The following ACACB variants were observed in gnomAD, a reference collection of about 807,000 sequenced individuals.
The protein encoded by ACACB is acetyl-CoA carboxylase 2.
ACACB carries 209 observed loss-of-function variants against 278.8 expected under a neutral mutation model. That is an observed-to-expected ratio of 0.75 (90% CI 0.67 to 0.84). The LOEUF is 0.84. ACACB is among the 40% of genes least tolerant of loss of function. The probability of loss-of-function intolerance (pLI) is 0.00; values close to 1 mark genes in which losing one functional copy is unlikely to be tolerated. For synonymous variants in ACACB, 1,174 were observed against 1,285.6 expected, an observed-to-expected ratio of 0.91 and a Z score of 1.86; for missense variants, 2,850 against 3,269.0, an observed-to-expected ratio of 0.87 and a Z score of 3.13.
intron 45 of ACACB, among the ~76,000 whole-genome samples, chr12:109,257,258 A>G (rs376048081): frequency 1.1e-4 from 17 of 152,216 alleles, no homozygotes; most frequent in Admixed American, 3.3e-4. Context: ...TGGGTGACAG[A>G]GCGAGACTCC....
chr12:109,127,436 C>CA (rs1484841806), intron 1 of ACACB, among the ~76,000 whole-genome samples: 1 of 150,990 alleles, frequency 6.6e-6, no homozygotes, highest in African/African-American at 2.4e-5. Flanking sequence ...AAAAAAAACC[C>CA]AAAAAACCAA....
Position 109,139,730 on chromosome 12 carries a change from G to T in ACACB, c.325G>T (p.Ala109Ser). 6.2e-7 allele frequency: 1 copy of T among 1,614,046 alleles called. No individual in the cohort carries two copies. Among genetic ancestry groups the T allele is most frequent in the Non-Finnish European group, 8.5e-7 (1 of 1,180,022 alleles). The change falls in exon 2 of 53, where the codon GCA becomes TCA. Residue 109 changes from alanine to serine, a missense_variant. Coordinates refer to ENST00000338432, the MANE Select transcript of ACACB (RefSeq NM_001093.4). ...PPRNPLSSSD[A>S]APSPELQANG... ...AAGAAACCCCCTTTCTTCCAGTGAC[G>T]CAGCACCCTCCCCAGAGCTTCAAGC...
intron 40 of ACACB, 117 bp from the exon 41 acceptor site, chr12:109,249,867 C>T (rs1350171996): frequency 4.4e-6 from 6 of 1,370,680 alleles, no homozygotes; most frequent in Non-Finnish European, 4.9e-6. Context: ...CCTCTGGATG[C>T]TTTGTCTGCT....
At chr12:109,210,466 C>T (rs2045794127) in intron 21 of ACACB, among the ~76,000 whole-genome samples, 1 of 143,840 alleles carries the variant, frequency 7.0e-6, no homozygotes, top group Non-Finnish European at 1.5e-5. Context: ...TATATATACG[C>T]ACATACATGT....
chr12:109,201,998 C>T (rs559838115), intron 19 of ACACB, among the ~76,000 whole-genome samples: 1 of 152,282 alleles, frequency 6.6e-6, no homozygotes, highest in South Asian at 2.1e-4. Flanking sequence ...TGCCTTTCTC[C>T]TCTGTCCCTC....
intron 18 of ACACB, 97 bp from the exon 19 acceptor site, chr12:109,201,470 T>C: frequency 6.9e-7 from 1 of 1,456,408 alleles, no homozygotes; most frequent in Non-Finnish European, 9.4e-7. Context: ...CCCTGGGTAG[T>C]GTCCCGGCGC....
chr12:109,210,201 A>ATATACACACATGTGTG lies in ACACB; in HGVS notation c.3249+852_3249+853insCACACATGTGTGTATA, dbSNP rs1565927014. Among the ~76,000 whole-genome samples the ATATACACACATGTGTG allele has an allele frequency of 2.4e-3, 32 of 13,586 alleles. 5 individuals carry two copies. The highest frequency in any genetic ancestry group is 8.5e-3 in the African/African-American group (29 of 3,424). The allele number at this position is 13,586 out of a possible 152,430, so 8.9% of individuals were successfully genotyped here. A position where few individuals can be genotyped will look rare whatever the true frequency, so the allele number is the denominator to read the frequency against. On this transcript the variant is annotated intron_variant, in intron 21 of 52. Coordinates refer to ENST00000338432, the MANE Select transcript of ACACB (RefSeq NM_001093.4). ...TATATATACACACGTGTGTATATGT[A>ATATACACACATGTGTG]TATATGTATATATACACACATGTGT...
At chr12:109,196,976 C>G in intron 16 of ACACB, 32 bp from the exon 17 acceptor site, 1 of 1,520,554 alleles carries the variant, frequency 6.6e-7, no homozygotes, top group Non-Finnish European at 8.8e-7. Flanking sequence ...ACATCCTGAA[C>G]CCAGGCGGTG....
At chr12:109,212,550 G>A (rs1037517500) in intron 21 of ACACB, among the ~76,000 whole-genome samples, 3 of 152,064 alleles carry the variant, frequency 2.0e-5, no homozygotes, top group East Asian at 1.9e-4. Context: ...TAGGTCCCTC[G>A]CATGCACGGT....
chr12:109,144,312 C>CAATAAATA (rs537512170), intron 2 of ACACB, among the ~76,000 whole-genome samples: 1 of 151,894 alleles, frequency 6.6e-6, no homozygotes, highest in African/African-American at 2.4e-5. Context: ...GACTCTGTCT[C>CAATAAATA]AATAAATAAA....
chr12:109,134,031 G>A (rs532118240), intron 1 of ACACB, among the ~76,000 whole-genome samples: 38 of 150,736 alleles, frequency 2.5e-4, no homozygotes, highest in African/African-American at 8.1e-4. Flanking sequence ...TGAGCCTCCC[G>A]CCTTGGCCTC....
intron 2 of ACACB, among the ~76,000 whole-genome samples, chr12:109,158,506 G>A (rs1233972467): frequency 5.9e-5 from 9 of 151,948 alleles, no homozygotes; most frequent in South Asian, 4.2e-4. Context: ...ATGAAACCCC[G>A]TCTCTACAAA....
chr12:109,194,341 A>G (rs1319567826), intron 16 of ACACB, among the ~76,000 whole-genome samples: 1 of 152,120 alleles, frequency 6.6e-6, no homozygotes, highest in Admixed American at 6.6e-5. Context: ...GATTATAGGC[A>G]TATGCCACCA....
intron 1 of ACACB, among the ~76,000 whole-genome samples, chr12:109,127,825 C>G (rs61122446): frequency 0.054 from 8,154 of 152,140 alleles, 410 homozygotes; most frequent in East Asian, 0.25. Context: ...TCAAGTCTTA[C>G]AGTTCGCAGG....
At chr12:109,234,451 C>A (rs977261301) in intron 31 of ACACB, among the ~76,000 whole-genome samples, 6 of 152,016 alleles carry the variant, frequency 3.9e-5, no homozygotes, top group African/African-American at 1.2e-4. Context: ...CCTGTGATGC[C>A]ATTGTATTTC....
intron 18 of ACACB, among the ~76,000 whole-genome samples, chr12:109,199,784 C>T (rs542897936): frequency 6.6e-6 from 1 of 152,228 alleles, no homozygotes; most frequent in African/African-American, 2.4e-5. Context: ...GAGGCTGAGG[C>T]GGGCGGATCA....
chr12:109,233,520 T>C (rs1247873577), intron 29 of ACACB, among the ~76,000 whole-genome samples: 2 of 152,240 alleles, frequency 1.3e-5, no homozygotes. Context: ...GTATTCCTGA[T>C]CACAGATCAC....
At chr12:109,237,034 G>A in intron 33 of ACACB, 131 bp from the exon 34 acceptor site, 1 of 847,652 alleles carries the variant, frequency 1.2e-6, no homozygotes, top group Non-Finnish European at 2.0e-6. Flanking sequence ...CATCATGAAT[G>A]CTGCATTCCT....
intron 41 of ACACB, among the ~76,000 whole-genome samples, chr12:109,251,099 C>T (rs566045724): frequency 2.0e-4 from 31 of 152,252 alleles, no homozygotes; most frequent in South Asian, 6.2e-4. Flanking sequence ...AAGAAGGGCA[C>T]GGTACCAGAT....
Sources: gnomAD v4.1 joint callset for allele counts (sites outside exome capture counted in the v4.1 genomes callset) on GRCh38, gnomAD v4.1.1 for gene constraint, MANE v1.5 for transcripts, NCBI Gene and HGNC (gene_info 2026-07-23, HGNC 2026-07-21) for gene names.